UNC13C: variants seen among roughly 807,000 people sequenced by gnomAD.
UNC13C encodes the protein protein unc-13 homolog C.
A neutral mutation model predicts 245.4 loss-of-function variants in UNC13C; 174 were observed. The ratio of observed to expected loss-of-function variants is 0.71; its 90% CI spans 0.63 to 0.80. The LOEUF (loss-of-function observed/expected upper bound fraction) is 0.80, where lower values mean the gene tolerates loss of function less well. Ranked by LOEUF, UNC13C falls within the 30% of genes least tolerant of loss-of-function variation. The pLI is 0.00. For missense variants in UNC13C, 2,829 were observed against 2,602.9 expected (o/e 1.09, Z -1.89); for synonymous variants, 992 against 895.1 (o/e 1.11, Z -1.93).
At chr15:54,006,594 C>G (rs957055264) in intron 1 of UNC13C, among the ~76,000 whole-genome samples, 6 of 152,198 alleles carry the variant, frequency 3.9e-5, no homozygotes, top group African/African-American at 1.4e-4. Context: ...ACATTATATA[C>G]ACATCCTTTT....
chr15:54,111,467 G>C (rs1202498642), intron 2 of UNC13C, among the ~76,000 whole-genome samples: 2 of 152,106 alleles, frequency 1.3e-5, no homozygotes, highest in African/African-American at 4.8e-5. Flanking sequence ...TGTTCTACTT[G>C]ATTGGAGGCA....
chr15:54,255,494 A>G (rs2036256466), intron 8 of UNC13C, among the ~76,000 whole-genome samples: 1 of 152,032 alleles, frequency 6.6e-6, no homozygotes, highest in African/African-American at 2.4e-5. Flanking sequence ...GCATGCTCCC[A>G]TTGGTGTCCT....
chr15:54,622,226 C>T (rs897889093), intron 30 of UNC13C, 101 bp from the exon 31 acceptor site: 7 of 810,316 alleles, frequency 8.6e-6, no homozygotes, highest in Middle Eastern at 4.4e-4. Flanking sequence ...AAGAACTATT[C>T]ATTTCCAATA....
chr15:54,606,503 A>G lies in UNC13C; in HGVS notation c.6107-15824A>G, dbSNP rs190690061. Among the ~76,000 whole-genome samples the G allele has an allele frequency of 4.5e-3, 684 of 152,330 alleles. 3 individuals carry two copies. Among genetic ancestry groups the G allele is most frequent in the Non-Finnish European group, 5.7e-3 (391 of 68,026 alleles). ...ATTTAGTTAGCCTTAATTTTTAAAA[A>G]GAAAGAAACTTGAGCTATGCAAGTG... On this transcript the variant is annotated intron_variant, in intron 30 of 32. Coordinates refer to ENST00000260323, the MANE Select transcript of UNC13C (RefSeq NM_001080534.3).
At chr15:54,316,658 C>T (rs2038016656) in intron 13 of UNC13C, among the ~76,000 whole-genome samples, 2 of 151,926 alleles carry the variant, frequency 1.3e-5, no homozygotes, top group Non-Finnish European at 2.9e-5. Flanking sequence ...TGTAAGTGTG[C>T]TCAGTAAATA....
chr15:54,462,759 G>A lies in UNC13C; in HGVS notation c.4934-31849G>A, dbSNP rs1018108837. On this transcript the variant is annotated intron_variant, in intron 19 of 32. Coordinates refer to ENST00000260323, the MANE Select transcript of UNC13C (RefSeq NM_001080534.3). ...CAACCCATGGGCTCCCGCGCAGCCC[G>A]AGGAGCCTCCCTGACGGGCGCCACC... 5.3e-5 allele frequency among the ~76,000 whole-genome samples: 8 copies of A among 152,208 alleles called. No homozygotes were observed. The East Asian group carries it at 9.7e-4, about 18-fold the overall frequency.
intron 19 of UNC13C, among the ~76,000 whole-genome samples, chr15:54,467,994 G>A (rs1473161941): frequency 6.6e-6 from 1 of 151,570 alleles, no homozygotes; most frequent in Admixed American, 6.6e-5. Context: ...TGGGATTGCT[G>A]GATCATATAA....
intron 14 of UNC13C, among the ~76,000 whole-genome samples, chr15:54,326,375 G>A (rs1185791670): frequency 6.6e-6 from 1 of 152,096 alleles, no homozygotes; most frequent in Non-Finnish European, 1.5e-5. Context: ...AGTGTCATTT[G>A]CTGTTGGGCA....
At chr15:53,876,104 C>G in the UNC13C span, among the ~76,000 whole-genome samples, 1 of 152,084 alleles carries the variant, frequency 6.6e-6, no homozygotes, top group African/African-American at 2.4e-5. Context: ...TTTTCTTTTT[C>G]TAGTGTGACA....
chr15:54,040,516 C>T (rs777209930), intron 2 of UNC13C, among the ~76,000 whole-genome samples: 32 of 152,254 alleles, frequency 2.1e-4, no homozygotes, highest in Non-Finnish European at 3.7e-4. Context: ...GAGAAACACT[C>T]TCTAGGGGAC....
At chr15:54,436,516 G>GC (rs1273598546) in intron 19 of UNC13C, among the ~76,000 whole-genome samples, 1 of 151,838 alleles carries the variant, frequency 6.6e-6, no homozygotes, top group African/African-American at 2.4e-5. Context: ...TCTTACAGGG[G>GC]CATGGATGAA....
At chr15:54,290,083 AC>A (rs2037257808) in intron 10 of UNC13C, among the ~76,000 whole-genome samples, 1 of 152,114 alleles carries the variant, frequency 6.6e-6, no homozygotes, top group East Asian at 1.9e-4. Context: ...CAACACCCTT[AC>A]GTAATCTTCA....
intron 19 of UNC13C, among the ~76,000 whole-genome samples, chr15:54,441,556 T>C (rs940967325): frequency 6.6e-6 from 1 of 152,172 alleles, no homozygotes; most frequent in African/African-American, 2.4e-5. Context: ...TCTATGTGTC[T>C]GTTTTCATAC....
chr15:54,176,344 G>A (rs908540933), intron 4 of UNC13C, among the ~76,000 whole-genome samples: 1 of 152,060 alleles, frequency 6.6e-6, no homozygotes, highest in African/African-American at 2.4e-5. Context: ...AGATTATTAT[G>A]TTCTATTAAA....
At chr15:53,881,575 A>G in the UNC13C span, among the ~76,000 whole-genome samples, 10 of 152,364 alleles carry the variant, frequency 6.6e-5, no homozygotes, top group South Asian at 2.1e-3. Flanking sequence ...TTCCTTGGTC[A>G]CAGTTGGATT....
intron 15 of UNC13C, among the ~76,000 whole-genome samples, chr15:54,332,423 C>CTA (rs1251252078): frequency 3.3e-5 from 5 of 151,686 alleles, no homozygotes; most frequent in African/African-American, 1.2e-4. Context: ...ATGAAGTAGA[C>CTA]TATGGCCCAG....
intron 2 of UNC13C, among the ~76,000 whole-genome samples, chr15:54,033,840 G>T (rs1390365760): frequency 6.6e-6 from 1 of 152,210 alleles, no homozygotes; most frequent in African/African-American, 2.4e-5. Flanking sequence ...GAGCATAGGA[G>T]ATCTGTATGT....
At chr15:54,624,791 AAG>A (rs1326162615) in intron 32 of UNC13C, among the ~76,000 whole-genome samples, 1 of 152,106 alleles carries the variant, frequency 6.6e-6, no homozygotes, top group African/African-American at 2.4e-5. Flanking sequence ...TAGAACATGA[AAG>A]AGTAATTCCC....
intron 18 of UNC13C, among the ~76,000 whole-genome samples, chr15:54,413,193 A>G (rs1304936116): frequency 6.6e-6 from 1 of 151,994 alleles, no homozygotes; most frequent in East Asian, 1.9e-4. Context: ...GAAGATTTTT[A>G]CATCTATGTT....
Sources: gnomAD v4.1 joint callset for allele counts (sites outside exome capture counted in the v4.1 genomes callset) on GRCh38, gnomAD v4.1.1 for gene constraint, MANE v1.5 for transcripts, NCBI Gene and HGNC (gene_info 2026-07-23, HGNC 2026-07-21) for gene names.